EME2: variants seen among roughly 807,000 people sequenced by gnomAD.
EME2 encodes essential meiotic structure-specific endonuclease subunit 2, also known as structure-specific endonuclease subunit EME2.
Under a neutral mutation model 41.9 loss-of-function variants are expected in EME2, and 58 were observed. The observed-to-expected ratio is 1.38, with a 90% CI of 1.12 to 1.72. The LOEUF (loss-of-function observed/expected upper bound fraction) is 1.72, where lower values mean the gene tolerates loss of function less well. Among genes scored for constraint, EME2 ranks in the 40% most tolerant of loss-of-function variants. The pLI is 0.00. For missense variants in EME2, 695 were observed against 541.9 expected, an observed-to-expected ratio of 1.28 and a Z score of -2.81; for synonymous variants, 334 against 239.3, an observed-to-expected ratio of 1.40 and a Z score of -3.65.
intron 2 of EME2, 51 bp downstream of exon 2, chr16:1,773,892 T>A: frequency 6.7e-7 from 1 of 1,497,338 alleles, no homozygotes; most frequent in Non-Finnish European, 8.9e-7. Flanking sequence ...CTGTTTTGCT[T>A]CCATGATTTC....
rs199869634 is a variant in EME2, at chr16:1,775,922, G to A, written c.905G>A (p.Arg302Gln). 319 of 1,612,110 alleles carry A rather than the reference G, an allele frequency of 2.0e-4. 3 individuals are homozygous for A. The East Asian group carries it at 5.9e-3, about 30-fold the overall frequency. ...AWRRQIRQFS[R>Q]VSPAVADAVV... Reference sequence around the variant, plus strand: ...CGGAGGCAGATCAGGCAGTTCAGTCGGGTCAGCCCAGCCGTGGCTGATGCA... The same window carrying A: ...CGGAGGCAGATCAGGCAGTTCAGTCAGGTCAGCCCAGCCGTGGCTGATGCA... Residue 302 changes from arginine to glutamine, a missense_variant, in exon 7 of 8, where the codon CGG (arginine) becomes CAG (glutamine). By Grantham distance (43) the Arg-to-Gln change is conservative (BLOSUM62 1). Transcript: ENST00000568449.
Position 1,777,534 on chromosome 16 carries a change from G to A in EME2, c.*1296G>A, listed in dbSNP as rs568813648. 2.2e-6 allele frequency: 3 copies of A among 1,387,588 alleles called. No individual in the cohort carries two copies. The highest frequency in any genetic ancestry group is 2.9e-6 in the Non-Finnish European group (3 of 1,051,850). 86.0% of individuals were successfully genotyped at this position (1,387,588 alleles called of 1,614,324 possible). On this transcript the variant is annotated 3_prime_UTR_variant, in exon 8 of 8. Transcript: ENST00000568449. ...CAGACCTCACGCTACAGTCACCCGGGTGGGCAGCTGGCACAGCTGAGGCAA... is the reference window on the plus strand; with the variant it reads ...CAGACCTCACGCTACAGTCACCCGGATGGGCAGCTGGCACAGCTGAGGCAA...
Position 1,776,453 on chromosome 16 carries a change from C to T in EME2, c.*215C>T. 1.8e-6 allele frequency: 1 copy of T among 563,014 alleles called. No homozygotes were observed. The highest frequency in any genetic ancestry group is 3.1e-6 in the Non-Finnish European group (1 of 319,180). 34.9% of individuals were successfully genotyped at this position (563,014 alleles called of 1,614,324 possible). A position where few individuals can be genotyped will look rare whatever the true frequency, so the allele number is the denominator to read the frequency against. On this transcript the variant is annotated 3_prime_UTR_variant, in exon 8 of 8. Coordinates refer to ENST00000568449, the MANE Select transcript of EME2 (RefSeq NM_001257370.2). ...CTGGCTGGCAGATGGCTGGCGGTTC[C>T]TGTGCTGAGTCCTGAACACGTAGGC... is the stretch of plus-strand genomic sequence containing the variant.
At chr16:1,774,930 C>T in intron 3 of EME2, 111 bp from the exon 4 acceptor site, 2 of 839,316 alleles carry the variant, frequency 2.4e-6, no homozygotes, top group Non-Finnish European at 3.8e-6. Context: ...CTCTCGGCAC[C>T]ACTGGCTCTT....
Position 1,778,086 on chromosome 16 carries a change from C to T in EME2, c.*1848C>T, listed in dbSNP as rs1168442707. Reference sequence around the variant, plus strand: ...GCCAGGCAGAGGGCGCGGGGCTGGGCTGCCGGAGCCAGGTTCCCCAGAAGC... The same window carrying T: ...GCCAGGCAGAGGGCGCGGGGCTGGGTTGCCGGAGCCAGGTTCCCCAGAAGC... On this transcript the variant is annotated 3_prime_UTR_variant, in exon 8 of 8. Transcript: ENST00000568449. The T allele has an allele frequency of 6.2e-7, 1 of 1,612,950 alleles. No homozygotes were observed. The highest frequency in any genetic ancestry group is 8.5e-7 in the Non-Finnish European group (1 of 1,179,966).
rs1331219863 is a variant in EME2 at position 1,781,664 on chromosome 16, G to C, written c.*5426G>C. ...GCCCGTACCTCACTCCAGGATCTGAGCAGCTCAATAAAACCCAGGTAGATC... is the reference window on the plus strand; with the variant it reads ...GCCCGTACCTCACTCCAGGATCTGACCAGCTCAATAAAACCCAGGTAGATC... On this transcript the variant is annotated 3_prime_UTR_variant, in exon 8 of 8. Transcript: ENST00000568449. 7.6e-6 allele frequency: 5 copies of C among 660,594 alleles called. No individual in the cohort carries two copies. Among genetic ancestry groups the C allele is most frequent in the Non-Finnish European group, 1.3e-5 (5 of 389,388 alleles). 40.9% of individuals were successfully genotyped at this position (660,594 alleles called of 1,614,324 possible). A position where few individuals can be genotyped will look rare whatever the true frequency, so the allele number is the denominator to read the frequency against.
rs778522080 is a variant in EME2 at position 1,781,251 on chromosome 16, G to A, written c.*5013G>A. On this transcript the variant is annotated 3_prime_UTR_variant, in exon 8 of 8. Transcript: ENST00000568449. ...TTGGACTGGTCCTCTAGCCTCAGAA[G>A]CATCTTTTTCTCCGACTGATTCCGT... 5.6e-6 allele frequency: 9 copies of A among 1,604,666 alleles called. No individual in the cohort carries two copies. In the East Asian group the frequency reaches 1.8e-4, roughly 32 times the overall value.
At position 1,776,700 on chromosome 16, in the gene EME2, G is replaced by A; in HGVS notation, c.*462G>A. The A allele has an allele frequency of 3.3e-6, 1 of 304,434 alleles. No individual in the cohort carries two copies. Among genetic ancestry groups the A allele is most frequent in the Non-Finnish European group, 6.1e-6 (1 of 162,768 alleles). 18.9% of individuals were successfully genotyped at this position (304,434 alleles called of 1,614,324 possible). ...CCGGCCTCTGCACGGATACGTTTCA[G>A]CTCACGCCATGTGGGTGTTAGACAT... On this transcript the variant is annotated 3_prime_UTR_variant, in exon 8 of 8. Transcript: ENST00000568449.
intron 1 of EME2, 71 bp from the exon 2 acceptor site, chr16:1,773,633 GC>G: frequency 1.3e-6 from 2 of 1,543,830 alleles, no homozygotes; most frequent in Non-Finnish European, 1.7e-6. Flanking sequence ...CCCCGGTCCG[GC>G]CACCCGCCCA....
chr16:1,781,600 C>G lies in EME2; in HGVS notation c.*5362C>G. 1 of 1,255,004 alleles carries G rather than the reference C, an allele frequency of 8.0e-7. No individual in the cohort carries two copies. The highest frequency in any genetic ancestry group is 1.1e-6 in the Non-Finnish European group (1 of 913,300). The allele number at this position is 1,255,004 out of a possible 1,614,324, so 77.7% of individuals were successfully genotyped here. A position where few individuals can be genotyped will look rare whatever the true frequency, so the allele number is the denominator to read the frequency against. Reference sequence around the variant, plus strand: ...CACTCAAAGTGGGGACTGCAGGGGCCGCACCGGTGCCCAGCCAGGGCTCCA... The same window carrying G: ...CACTCAAAGTGGGGACTGCAGGGGCGGCACCGGTGCCCAGCCAGGGCTCCA... On this transcript the variant is annotated 3_prime_UTR_variant, in exon 8 of 8. Transcript: ENST00000568449.
In EME2 at chr16:1,777,167, G is replaced by C; in HGVS notation, c.*929G>C. 6.2e-7 allele frequency: 1 copy of C among 1,611,130 alleles called. No individual in the cohort carries two copies. The highest frequency in any genetic ancestry group is 8.5e-7 in the Non-Finnish European group (1 of 1,179,882). On this transcript the variant is annotated 3_prime_UTR_variant, in exon 8 of 8. Coordinates refer to ENST00000568449, the MANE Select transcript of EME2 (RefSeq NM_001257370.2). Reference sequence around the variant, plus strand: ...ACTGCTGGGGTGGGCGGAGGTCGCTGCCTGGGGATCGGACACTGGAGCCTT... The same window carrying C: ...ACTGCTGGGGTGGGCGGAGGTCGCTCCCTGGGGATCGGACACTGGAGCCTT...
In EME2 at chr16:1,781,686, G is replaced by T. The variant is rs1429581008; in HGVS notation, c.*5448G>T. Reference sequence around the variant, plus strand: ...TGAGCAGCTCAATAAAACCCAGGTAGATCCTGTGAAACGCCACCCAGACAC... The same window carrying T: ...TGAGCAGCTCAATAAAACCCAGGTATATCCTGTGAAACGCCACCCAGACAC... On this transcript the variant is annotated 3_prime_UTR_variant, in exon 8 of 8. Transcript: ENST00000568449. The T allele has an allele frequency of 9.9e-6, 6 of 605,658 alleles. No homozygotes were observed. Among genetic ancestry groups the T allele is most frequent in the Non-Finnish European group, 1.7e-5 (6 of 346,708 alleles). The allele number at this position is 605,658 out of a possible 1,614,324, so 37.5% of individuals were successfully genotyped here.
rs375982835 is a variant in EME2, at chr16:1,780,568, T to A, written c.*4330T>A. 6.5e-6 allele frequency: 1 copy of A among 153,066 alleles called. No homozygotes were observed. Among genetic ancestry groups the A allele is most frequent in the South Asian group, 2.0e-4 (1 of 4,884 alleles). The allele number at this position is 153,066 out of a possible 1,614,324, so 9.5% of individuals were successfully genotyped here. A position where few individuals can be genotyped will look rare whatever the true frequency, so the allele number is the denominator to read the frequency against. On this transcript the variant is annotated 3_prime_UTR_variant, in exon 8 of 8. Transcript: ENST00000568449. ...TGGCCTCCCTGAGCAAGTGCAGAAA[T>A]TTTTACCTTCAAGGATCAGGGTTTT...
In EME2 at chr16:1,773,201, G is replaced by A. The variant is rs1330869210; in HGVS notation, c.-27G>A. On this transcript the variant is annotated 5_prime_UTR_variant, in exon 1 of 8. Transcript: ENST00000568449. The stretch of plus-strand genomic sequence containing the variant: ...CAGGCTAAAGTGTTCGGTCGCGGCC[G>A]GAAGCGAGGAAGAGGTCGGTCCGGC... 5 of 1,439,072 alleles carry A rather than the reference G, an allele frequency of 3.5e-6. No individual in the cohort carries two copies. Among genetic ancestry groups the A allele is most frequent in the Non-Finnish European group, 3.6e-6 (4 of 1,105,154 alleles). The allele number at this position is 1,439,072 out of a possible 1,614,324, so 89.1% of individuals were successfully genotyped here. A position where few individuals can be genotyped will look rare whatever the true frequency, so the allele number is the denominator to read the frequency against.
intron 3 of EME2, chr16:1,774,812 T>G: frequency 1.7e-6 from 1 of 599,948 alleles, no homozygotes; most frequent in East Asian, 2.8e-5. Context: ...AGGGGCTCAA[T>G]GGAACTGACA....
intron 2 of EME2, 23 bp downstream of exon 2, chr16:1,773,864 G>A: frequency 3.9e-6 from 6 of 1,524,350 alleles, no homozygotes; most frequent in Non-Finnish European, 5.3e-6. Flanking sequence ...GGGTTCCCGA[G>A]GGCCAGCCGC....
chr16:1,778,059 G>A lies in EME2; in HGVS notation c.*1821G>A, dbSNP rs761386215. The A allele has an allele frequency of 1.2e-5, 20 of 1,613,020 alleles. No individual in the cohort carries two copies. Among genetic ancestry groups the A allele is most frequent in the East Asian group, 4.5e-5 (2 of 44,880 alleles). On this transcript the variant is annotated 3_prime_UTR_variant, in exon 8 of 8. Coordinates refer to ENST00000568449, the MANE Select transcript of EME2 (RefSeq NM_001257370.2). ...CCCGATGCCCACCATCTAGGAACAG[G>A]GGCCAGGCAGAGGGCGCGGGGCTGG... is the stretch of plus-strand genomic sequence containing the variant.
At position 1,778,144 on chromosome 16, in the gene EME2, C is replaced by T; in HGVS notation, c.*1906C>T. The stretch of plus-strand genomic sequence containing the variant: ...GCCGAAGCAACTTACCATGTCGGTG[C>T]CGTAGACGGGAGAGGTCATCTTGAT... On this transcript the variant is annotated 3_prime_UTR_variant, in exon 8 of 8. Transcript: ENST00000568449. 3 of 1,612,614 alleles carry T rather than the reference C, an allele frequency of 1.9e-6. No homozygotes were observed. The highest frequency in any genetic ancestry group is 2.5e-6 in the Non-Finnish European group (3 of 1,179,608).
In EME2 at chr16:1,777,456, G is replaced by A. The variant is rs1439757464; in HGVS notation, c.*1218G>A. On this transcript the variant is annotated 3_prime_UTR_variant, in exon 8 of 8. Transcript: ENST00000568449. ...GTGGCTGCCACACCTGGAAGGGAGG[G>A]GCCCAGCCTGAACCCCAGGCAGGGA... 3.4e-6 allele frequency: 5 copies of A among 1,488,632 alleles called. No homozygotes were observed. Among genetic ancestry groups the A allele is most frequent in the Non-Finnish European group, 4.5e-6 (5 of 1,120,166 alleles). 92.2% of individuals were successfully genotyped at this position (1,488,632 alleles called of 1,614,324 possible).
Sources: allele counts gnomAD v4.1 joint callset, GRCh38; gene constraint gnomAD v4.1.1; transcripts MANE v1.5; gene names NCBI Gene and HGNC (gene_info 2026-07-23, HGNC 2026-07-21).